Variants in DPYD observed in about 807,000 individuals in gnomAD.
DPYD encodes the protein dihydropyrimidine dehydrogenase.
Under a neutral mutation model 116.2 loss-of-function variants are expected in DPYD, and 109 were observed. The ratio of observed to expected loss-of-function variants is 0.94; its 90% CI spans 0.80 to 1.10. The LOEUF is 1.10. Ranked by LOEUF, DPYD falls within the 50% of genes least tolerant of loss-of-function variation. The pLI is 0.00. For synonymous variants in DPYD, 440 were observed against 432.0 expected (o/e 1.02, Z -0.23); for missense variants, 1,302 against 1,254.5 (o/e 1.04, Z -0.57).
intron 12 of DPYD, among the ~76,000 whole-genome samples, chr1:97,532,207 G>T (rs1033499409): frequency 1.3e-5 from 2 of 151,998 alleles, no homozygotes; most frequent in African/African-American, 2.4e-5. Flanking sequence ...TTGCATCCTA[G>T]GAATAAGTCT....
intron 18 of DPYD, among the ~76,000 whole-genome samples, chr1:97,299,573 G>C (rs1216648465): frequency 6.6e-6 from 1 of 152,084 alleles, no homozygotes; most frequent in Non-Finnish European, 1.5e-5. Flanking sequence ...CTTGATCTAT[G>C]CTTTAAACCT....
intron 18 of DPYD, among the ~76,000 whole-genome samples, chr1:97,301,204 C>T (rs934778019): frequency 6.6e-6 from 1 of 151,902 alleles, no homozygotes; most frequent in Non-Finnish European, 1.5e-5. Flanking sequence ...TGAGCTGAAA[C>T]AGAAAATCTT....
intron 3 of DPYD, among the ~76,000 whole-genome samples, chr1:97,799,789 G>C (rs932742433): frequency 2.0e-5 from 3 of 151,894 alleles, no homozygotes; most frequent in Non-Finnish European, 4.4e-5. Flanking sequence ...TTTTATACCT[G>C]CAGCATTGAA....
chr1:97,359,478 G>T (rs964390065), intron 16 of DPYD, among the ~76,000 whole-genome samples: 4 of 152,172 alleles, frequency 2.6e-5, no homozygotes, highest in Middle Eastern at 6.3e-3. Flanking sequence ...GATACTCCTT[G>T]AGAAGAGCAA....
intron 14 of DPYD, among the ~76,000 whole-genome samples, chr1:97,398,792 T>C (rs1673170907): frequency 1.3e-5 from 2 of 152,136 alleles, no homozygotes; most frequent in African/African-American, 4.8e-5. Context: ...TTGATGGGGT[T>C]GTTTGTATTT....
At chr1:97,102,396 C>CACATATAT (rs1650762529) in intron 20 of DPYD, among the ~76,000 whole-genome samples, 1 of 97,302 alleles carries the variant, frequency 1.0e-5, no homozygotes, top group Admixed American at 1.4e-4. Flanking sequence ...CACTCAGTAT[C>CACATATAT]ATATATATAT....
chr1:97,544,233 G>A lies in DPYD; in HGVS notation c.1524+5327C>T, dbSNP rs1004891832. Among the ~76,000 whole-genome samples, 8 of 152,154 alleles carry A rather than the reference G, an allele frequency of 5.3e-5. No individual in the cohort carries two copies. In the East Asian group the frequency reaches 1.2e-3, roughly 22 times the overall value. On this transcript the variant is annotated intron_variant, in intron 12 of 22. Transcript: ENST00000370192. ...AACTAAGTTAATGACAATGTGGAGA[G>A]AGAAAAATCCCACTTTGTCTATATG...
At chr1:97,446,924 T>C (rs1468930981) in intron 14 of DPYD, among the ~76,000 whole-genome samples, 1 of 152,104 alleles carries the variant, frequency 6.6e-6, no homozygotes, top group African/African-American at 2.4e-5. Flanking sequence ...CAATGATCAA[T>C]GTGCCAAATT....
intron 13 of DPYD, among the ~76,000 whole-genome samples, chr1:97,474,016 T>A (rs1469111342): frequency 7.4e-4 from 98 of 132,058 alleles, no homozygotes; most frequent in African/African-American, 2.4e-3. Context: ...AAACTGTCTT[T>A]AAAAAAAAAA....
intron 14 of DPYD, among the ~76,000 whole-genome samples, chr1:97,418,833 A>C (rs568787445): frequency 6.6e-6 from 1 of 152,316 alleles, no homozygotes; most frequent in Non-Finnish European, 1.5e-5. Context: ...TTGCCAGAGT[A>C]GACTAAATTG....
At position 97,459,090 on chromosome 1, in the gene DPYD, G is replaced by T. The variant is rs545409848; in HGVS notation, c.1741-8867C>A. ...AATTAATATGCTTAAAAATACGAGA[G>T]ACTTGAATGTATAAATAATGAGAAA... On this transcript the variant is annotated intron_variant, in intron 13 of 22. Coordinates refer to ENST00000370192, the MANE Select transcript of DPYD (RefSeq NM_000110.4). 8.6e-5 allele frequency among the ~76,000 whole-genome samples: 13 copies of T among 151,958 alleles called. No individual in the cohort carries two copies. In the East Asian group the frequency reaches 2.5e-3, roughly 29 times the overall value.
intron 1 of DPYD, among the ~76,000 whole-genome samples, chr1:97,906,820 A>C (rs1427148779): frequency 6.6e-6 from 1 of 152,136 alleles, no homozygotes; most frequent in Non-Finnish European, 1.5e-5. Context: ...ATTCATTCTT[A>C]CCATAGATCT....
chr1:97,444,534 T>C (rs2101771569), intron 14 of DPYD, among the ~76,000 whole-genome samples: 1 of 152,318 alleles, frequency 6.6e-6, no homozygotes, highest in South Asian at 2.1e-4. Context: ...TAAATAACAC[T>C]GGCTGTGTAT....
At chr1:97,734,051 A>G (rs1473294482) in intron 4 of DPYD, among the ~76,000 whole-genome samples, 1 of 152,128 alleles carries the variant, frequency 6.6e-6, no homozygotes, top group Non-Finnish European at 1.5e-5. Context: ...TGAAACATGC[A>G]TGGCAAATAA....
At position 97,485,854 on chromosome 1, in the gene DPYD, G is replaced by A. The variant is rs189747645; in HGVS notation, c.1740+29872C>T. On this transcript the variant is annotated intron_variant, in intron 13 of 22. Transcript: ENST00000370192. Reference sequence around the variant, plus strand: ...CTTTCTGTCTTCTAATATTTTGTTGGTATCCTTTACTATGTTCAATCTCCT... The same window carrying A: ...CTTTCTGTCTTCTAATATTTTGTTGATATCCTTTACTATGTTCAATCTCCT... Among the ~76,000 whole-genome samples, 149 of 152,102 alleles carry A rather than the reference G, an allele frequency of 9.8e-4. 2 individuals carry two copies. The highest frequency in any genetic ancestry group is 3.4e-3 in the African/African-American group (143 of 41,508).
chr1:97,324,965 C>T (rs151034758), intron 16 of DPYD, among the ~76,000 whole-genome samples: 1 of 152,000 alleles, frequency 6.6e-6, no homozygotes, highest in Non-Finnish European at 1.5e-5. Flanking sequence ...ATTACCAATT[C>T]GACAAGGATC....
chr1:97,237,973 G>A (rs147618252), intron 18 of DPYD, among the ~76,000 whole-genome samples: 170 of 152,060 alleles, frequency 1.1e-3, no homozygotes, highest in African/African-American at 3.8e-3. Context: ...CAGGGATTTG[G>A]CCACATATTC....
At position 97,193,376 on chromosome 1, in the gene DPYD, T is replaced by C. The variant is rs116114040; in HGVS notation, c.2443-128A>G. 1,701 of 957,888 alleles carry C rather than the reference T, an allele frequency of 1.8e-3. 31 individuals carry two copies. The highest frequency in any genetic ancestry group is 3.4e-3 in the Middle Eastern group (11 of 3,258). The allele number at this position is 957,888 out of a possible 1,614,324, so 59.3% of individuals were successfully genotyped here. A position where few individuals can be genotyped will look rare whatever the true frequency, so the allele number is the denominator to read the frequency against. On this transcript the variant is annotated intron_variant, in intron 19 of 22. Transcript: ENST00000370192. ...CACTGTTTGAGGCATGATGGATCAG[T>C]AGCCGTCTGGAGATGGGGGTGGTGG...
chr1:97,105,914 C>T (rs527384656), intron 20 of DPYD, among the ~76,000 whole-genome samples: 63 of 152,234 alleles, frequency 4.1e-4, no homozygotes, highest in African/African-American at 1.5e-3. Context: ...GAAGGAACTA[C>T]AGGATGAGCT....
Sources: gnomAD v4.1 joint callset for allele counts (sites outside exome capture counted in the v4.1 genomes callset) on GRCh38, gnomAD v4.1.1 for gene constraint, MANE v1.5 for transcripts, NCBI Gene and HGNC (gene_info 2026-07-23, HGNC 2026-07-21) for gene names.